Variants in SLC16A7 observed in about 807,000 individuals in gnomAD.
SLC16A7 encodes the protein solute carrier family 16 member 7.
Under a neutral mutation model 34.9 loss-of-function variants are expected in SLC16A7, and 33 were observed. The ratio of observed to expected loss-of-function variants is 0.94; its 90% CI spans 0.72 to 1.26. SLC16A7 has a LOEUF of 1.26. SLC16A7 is among the 50% of genes most tolerant of loss of function. The probability of loss-of-function intolerance (pLI) is 0.00; values close to 1 mark genes in which losing one functional copy is unlikely to be tolerated. For synonymous variants in SLC16A7, 201 were observed against 206.6 expected, an observed-to-expected ratio of 0.97 and a Z score of 0.23; for missense variants, 573 against 578.1, an observed-to-expected ratio of 0.99 and a Z score of 0.09.
intron 2 of SLC16A7, among the ~76,000 whole-genome samples, chr12:59,671,873 G>A (rs12828175): frequency 0.013 from 998 of 78,740 alleles, 10 homozygotes; most frequent in African/African-American, 0.021. Context: ...GTATATATGT[G>A]TATATATGTA....
At position 59,755,566 on chromosome 12, in the gene SLC16A7, T is replaced by C. The variant is rs545234105; in HGVS notation, c.218-15653T>C. On this transcript the variant is annotated intron_variant, in intron 3 of 5. Transcript: ENST00000547379. ...CCTTACAAGGGATGAGAAGGACCTC[T>C]TCAAGGAGAACTACAAACCACTGCT... Among the ~76,000 whole-genome samples, 5 of 152,258 alleles carry C rather than the reference T, an allele frequency of 3.3e-5. No individual in the cohort carries two copies. The South Asian group carries it at 1.0e-3, about 32-fold the overall frequency.
At chr12:59,702,062 C>G (rs187840476) in intron 2 of SLC16A7, among the ~76,000 whole-genome samples, 2 of 151,784 alleles carry the variant, frequency 1.3e-5, no homozygotes, top group East Asian at 3.9e-4. Context: ...GGTATTTCCT[C>G]AGTATTCTTC....
At chr12:59,625,337 T>C (rs1376972926) in intron 1 of SLC16A7, among the ~76,000 whole-genome samples, 1 of 151,820 alleles carries the variant, frequency 6.6e-6, no homozygotes, top group African/African-American at 2.4e-5. Flanking sequence ...TCTCTGTGTA[T>C]TAGTTCACAT....
At chr12:59,772,260 A>G (rs1365250521) in intron 4 of SLC16A7, among the ~76,000 whole-genome samples, 1 of 152,150 alleles carries the variant, frequency 6.6e-6, no homozygotes, top group Non-Finnish European at 1.5e-5. Flanking sequence ...TCTCTTTACA[A>G]TCTATCCACA....
intron 3 of SLC16A7, among the ~76,000 whole-genome samples, chr12:59,724,330 C>T (rs1403075165): frequency 6.6e-6 from 1 of 151,960 alleles, no homozygotes; most frequent in East Asian, 1.9e-4. Context: ...GAAAGCTAAG[C>T]TTGTTGTCAT....
intron 2 of SLC16A7, among the ~76,000 whole-genome samples, chr12:59,665,126 G>A (rs140621155): frequency 1.3e-5 from 2 of 152,098 alleles, no homozygotes; most frequent in African/African-American, 4.8e-5. Flanking sequence ...CCAAGTTAAG[G>A]CTAAGGAGAG....
chr12:59,750,419 C>T (rs1879386681), intron 3 of SLC16A7, among the ~76,000 whole-genome samples: 1 of 152,160 alleles, frequency 6.6e-6, no homozygotes, highest in Admixed American at 6.5e-5. Context: ...ACAGACACTT[C>T]TCAAAAGAAG....
intron 3 of SLC16A7, among the ~76,000 whole-genome samples, chr12:59,720,925 TCTTAA>T (rs1340092367): frequency 6.6e-5 from 10 of 152,178 alleles, no homozygotes; most frequent in African/African-American, 1.7e-4. Flanking sequence ...TTGCATACAT[TCTTAA>T]CTTATCTACC....
rs112677207 is a variant in SLC16A7, at chr12:59,770,915, T to A, written c.218-304T>A. 1.1e-3 allele frequency among the ~76,000 whole-genome samples: 172 copies of A among 152,286 alleles called. 2 individuals carry two copies. Among genetic ancestry groups the A allele is most frequent in the African/African-American group, 4.0e-3 (168 of 41,584 alleles). On this transcript the variant is annotated intron_variant, in intron 3 of 5. Coordinates refer to ENST00000547379, the MANE Select transcript of SLC16A7 (RefSeq NM_001270623.2). ...TGCATCTTTTAAGATGTTTTGGATA[T>A]TTTAGGTATGTTCTATTGAAAAACT...
chr12:59,672,825 G>A (rs1345715314), intron 2 of SLC16A7, among the ~76,000 whole-genome samples: 1 of 152,130 alleles, frequency 6.6e-6, no homozygotes, highest in Non-Finnish European at 1.5e-5. Flanking sequence ...GATTCTAATT[G>A]TGTGGGTTGC....
chr12:59,671,467 G>A (rs1245251582), intron 2 of SLC16A7, among the ~76,000 whole-genome samples: 1 of 151,826 alleles, frequency 6.6e-6, no homozygotes, highest in Non-Finnish European at 1.5e-5. Flanking sequence ...GCACAACTGT[G>A]CACACCTAGG....
At chr12:59,667,991 G>T (rs948314225) in intron 2 of SLC16A7, among the ~76,000 whole-genome samples, 1 of 152,228 alleles carries the variant, frequency 6.6e-6, no homozygotes, top group Non-Finnish European at 1.5e-5. Flanking sequence ...TCCACGTGGT[G>T]TTGAGCCTGT....
intron 5 of SLC16A7, among the ~76,000 whole-genome samples, chr12:59,777,301 C>A (rs528391850): frequency 1.3e-5 from 2 of 152,182 alleles, no homozygotes; most frequent in African/African-American, 4.8e-5. Context: ...CATCTGCTAC[C>A]CGTAATATTT....
chr12:59,664,615 GGC>G (rs1316472470), intron 2 of SLC16A7: 1 of 152,052 alleles, frequency 6.6e-6, no homozygotes, highest in Non-Finnish European at 1.5e-5. Flanking sequence ...TTGAAAATGT[GGC>G]TACATCAACA....
chr12:59,606,027 C>T (rs1037832917), intron 1 of SLC16A7, among the ~76,000 whole-genome samples: 2 of 152,128 alleles, frequency 1.3e-5, no homozygotes, highest in Non-Finnish European at 2.9e-5. Context: ...TCATTTTTAT[C>T]TCTACCTTTA....
chr12:59,713,587 G>T (rs1277183985), intron 3 of SLC16A7, among the ~76,000 whole-genome samples: 1 of 152,188 alleles, frequency 6.6e-6, no homozygotes, highest in Non-Finnish European at 1.5e-5. Context: ...GTTCCAAAGG[G>T]ATTTTTAAAT....
At chr12:59,671,919 ATG>A (rs201860575) in intron 2 of SLC16A7, among the ~76,000 whole-genome samples, 1,219 of 85,746 alleles carry the variant, frequency 0.014, 202 homozygotes, top group East Asian at 0.049. Flanking sequence ...ATATGTATAT[ATG>A]TATATATCCA....
chr12:59,658,579 C>A (rs948633932), intron 2 of SLC16A7, among the ~76,000 whole-genome samples: 2 of 151,940 alleles, frequency 1.3e-5, no homozygotes, highest in Non-Finnish European at 2.9e-5. Flanking sequence ...GCCTTCTTTG[C>A]CTTTCCATGC....
At chr12:59,724,929 C>T (rs1047460546) in intron 3 of SLC16A7, among the ~76,000 whole-genome samples, 1 of 151,314 alleles carries the variant, frequency 6.6e-6, no homozygotes, top group Non-Finnish European at 1.5e-5. Context: ...TGTGAAAATA[C>T]CAATAAATTA....
Sources: allele counts gnomAD v4.1 joint callset (sites outside exome capture counted in the v4.1 genomes callset), GRCh38; gene constraint gnomAD v4.1.1; transcripts MANE v1.5; gene names NCBI Gene and HGNC (gene_info 2026-07-23, HGNC 2026-07-21).